The following LRRC7 variants were observed in gnomAD, a reference collection of about 807,000 sequenced individuals.
LRRC7 encodes the protein leucine-rich repeat-containing protein 7.
Under a neutral mutation model 175.7 loss-of-function variants are expected in LRRC7, and 23 were observed. That is an observed-to-expected ratio of 0.13 (90% CI 0.09 to 0.19). LRRC7 has a LOEUF of 0.19. Among genes scored for constraint, LRRC7 ranks in the 10% least tolerant of loss-of-function variants. The probability of loss-of-function intolerance (pLI) is 1.00; values close to 1 mark genes in which losing one functional copy is unlikely to be tolerated. For missense variants in LRRC7, 1,354 were observed against 1,904.7 expected (o/e 0.71, Z 5.38); for synonymous variants, 685 against 680.9 (o/e 1.01, Z -0.09).
rs770659764 is a variant in LRRC7 at position 69,980,411 on chromosome 1, G to A, written c.744G>A (p.Arg248=). The change falls in exon 9 of 27, where the codon AGG becomes AGA. Residue 248 remains arginine (R), a synonymous_variant. Coordinates refer to ENST00000651989, the MANE Select transcript of LRRC7 (RefSeq NM_001370785.2). ...PEVLDQIQNL[R]ELWMDNNALQ... ...TTCTGGATCAAATACAAAATTTGAG[G>A]GAGTTATGGATGGATAATAATGCAT... 1 of 1,612,394 alleles carries A rather than the reference G, an allele frequency of 6.2e-7. No individual in the cohort carries two copies. The highest frequency in any genetic ancestry group is 1.1e-5 in the South Asian group (1 of 90,716).
At chr1:69,655,954 A>T (rs1656547422) in intron 1 of LRRC7, among the ~76,000 whole-genome samples, 1 of 152,090 alleles carries the variant, frequency 6.6e-6, no homozygotes, top group African/African-American at 2.4e-5. Context: ...TAGACTACAT[A>T]TTGAAATTAA....
chr1:70,013,414 A>G (rs1394418008), intron 13 of LRRC7, among the ~76,000 whole-genome samples: 1 of 151,846 alleles, frequency 6.6e-6, no homozygotes, highest in Non-Finnish European at 1.5e-5. Flanking sequence ...TATAGAAAAT[A>G]TATTAATAAA....
chr1:69,903,741 C>A (rs1046856564), intron 7 of LRRC7, among the ~76,000 whole-genome samples: 1 of 151,740 alleles, frequency 6.6e-6, no homozygotes, highest in Non-Finnish European at 1.5e-5. Flanking sequence ...AAAAGACTAA[C>A]AAAATAGATC....
At chr1:70,001,717 C>G in intron 11 of LRRC7, among the ~76,000 whole-genome samples, 1 of 152,110 alleles carries the variant, frequency 6.6e-6, no homozygotes, top group South Asian at 2.1e-4. Context: ...TGCCAAATGA[C>G]TTGTAAAATT....
rs1450187095 is a variant in LRRC7, at chr1:69,884,454, T to A, written c.647+46171T>A. Among the ~76,000 whole-genome samples, 35 of 122,444 alleles carry A rather than the reference T, an allele frequency of 2.9e-4. 5 individuals are homozygous for A. The highest frequency in any genetic ancestry group is 1.2e-3 in the African/African-American group (35 of 28,906). The allele number at this position is 122,444 out of a possible 152,430, so 80.3% of individuals were successfully genotyped here. On this transcript the variant is annotated intron_variant, in intron 7 of 26. Transcript: ENST00000651989. ...TGTATAAGAATGCTTGTGATTTTTGTACATTGATTTTGTATCCTGAGACTT... is the reference window on the plus strand; with the variant it reads ...TGTATAAGAATGCTTGTGATTTTTGAACATTGATTTTGTATCCTGAGACTT...
At chr1:70,044,428 G>A (rs1175507698) in intron 22 of LRRC7, among the ~76,000 whole-genome samples, 1 of 151,734 alleles carries the variant, frequency 6.6e-6, no homozygotes, top group African/African-American at 2.4e-5. Context: ...TTATATATAT[G>A]TTTTTTACTT....
At chr1:69,726,892 C>A (rs1667041221) in intron 2 of LRRC7, among the ~76,000 whole-genome samples, 2 of 152,118 alleles carry the variant, frequency 1.3e-5, no homozygotes, top group Admixed American at 6.5e-5. Context: ...TGCAGGAGAA[C>A]TTTATAACCA....
intron 11 of LRRC7, among the ~76,000 whole-genome samples, chr1:70,006,878 A>T (rs993358338): frequency 6.6e-6 from 1 of 152,228 alleles, no homozygotes; most frequent in Admixed American, 6.5e-5. Context: ...ATTACAAGGG[A>T]TACAAATGAG....
At chr1:69,905,310 G>C (rs1010755902) in intron 7 of LRRC7, among the ~76,000 whole-genome samples, 31 of 151,812 alleles carry the variant, frequency 2.0e-4, no homozygotes, top group Admixed American at 1.5e-3. Flanking sequence ...ACAATGTGCA[G>C]GTTTGTTACA....
chr1:69,589,407 C>T (rs1025429032), intron 1 of LRRC7, among the ~76,000 whole-genome samples: 6 of 152,138 alleles, frequency 3.9e-5, no homozygotes, highest in Admixed American at 1.3e-4. Context: ...TTCATGCTCA[C>T]ATCAGAAACA....
chr1:69,884,594 G>C (rs1686975709), intron 7 of LRRC7, among the ~76,000 whole-genome samples: 2 of 137,890 alleles, frequency 1.5e-5, no homozygotes, highest in East Asian at 4.4e-4. Context: ...TTTCCTAATT[G>C]AATAGCCTTT....
intron 8 of LRRC7, among the ~76,000 whole-genome samples, chr1:69,977,980 C>T (rs925447506): frequency 6.6e-6 from 1 of 152,062 alleles, no homozygotes; most frequent in African/African-American, 2.4e-5. Context: ...TTGAACCTTG[C>T]CCAGTGGGCA....
At chr1:69,684,381 G>A (rs1019708119) in intron 2 of LRRC7, among the ~76,000 whole-genome samples, 29 of 151,206 alleles carry the variant, frequency 1.9e-4, no homozygotes, top group African/African-American at 5.6e-4. Flanking sequence ...TGAAGAGAAG[G>A]AGTAAAAGGA....
intron 23 of LRRC7, among the ~76,000 whole-genome samples, chr1:70,063,815 T>C (rs1375156971): frequency 6.6e-6 from 1 of 152,028 alleles, no homozygotes; most frequent in Non-Finnish European, 1.5e-5. Flanking sequence ...TTAAGGATAC[T>C]CCATCGTTTT....
intron 1 of LRRC7, among the ~76,000 whole-genome samples, chr1:69,600,951 ACAGG>A (rs373607172): frequency 0.15 from 22,687 of 151,262 alleles, 1,873 homozygotes; most frequent in Admixed American, 0.19. Flanking sequence ...AGCTGGAATT[ACAGG>A]CAGGCACCTG....
At chr1:70,009,507 A>G (rs1656302327) in intron 11 of LRRC7, among the ~76,000 whole-genome samples, 1 of 152,066 alleles carries the variant, frequency 6.6e-6, no homozygotes, top group African/African-American at 2.4e-5. Context: ...GGGGCCTCAA[A>G]GGATGTTGAA....
chr1:69,792,833 AT>A (rs1675280111), intron 4 of LRRC7, among the ~76,000 whole-genome samples: 1 of 151,854 alleles, frequency 6.6e-6, no homozygotes, highest in East Asian at 1.9e-4. Context: ...CAGGTTGATT[AT>A]TTTTTCTCCT....
intron 2 of LRRC7, among the ~76,000 whole-genome samples, chr1:69,714,574 A>G (rs1665130920): frequency 6.6e-6 from 1 of 152,170 alleles, no homozygotes; most frequent in South Asian, 2.1e-4. Context: ...GATGAGAGTG[A>G]TGAAACCACA....
intron 3 of LRRC7, among the ~76,000 whole-genome samples, chr1:69,773,122 T>A (rs941550114): frequency 6.6e-6 from 1 of 152,190 alleles, no homozygotes; most frequent in Admixed American, 6.6e-5. Flanking sequence ...AAATACATTT[T>A]ATTTTAAGAT....
Sources: allele counts gnomAD v4.1 joint callset (sites outside exome capture counted in the v4.1 genomes callset), GRCh38; gene constraint gnomAD v4.1.1; transcripts MANE v1.5; gene names NCBI Gene and HGNC (gene_info 2026-07-23, HGNC 2026-07-21).